RBP7: variants seen among roughly 807,000 people sequenced by gnomAD.
RBP7 encodes the protein retinol binding protein 7, also known as retinoid-binding protein 7.
A neutral mutation model predicts 16.7 loss-of-function variants in RBP7; 13 were observed. The observed-to-expected ratio is 0.78, with a 90% CI of 0.51 to 1.24. RBP7 has a LOEUF of 1.24. RBP7 is among the 50% of genes most tolerant of loss of function. The probability of loss-of-function intolerance (pLI) is 0.00; values close to 1 mark genes in which losing one functional copy is unlikely to be tolerated. For missense variants in RBP7, 145 were observed against 159.5 expected, an observed-to-expected ratio of 0.91 and a Z score of 0.49; for synonymous variants, 54 against 56.2, an observed-to-expected ratio of 0.96 and a Z score of 0.17.
chr1:10,008,802 CATCTT>C (rs758066201), intron 3 of RBP7, among the ~76,000 whole-genome samples: 10 of 152,030 alleles, frequency 6.6e-5, no homozygotes, highest in Non-Finnish European at 1.2e-4. Flanking sequence ...TACTCACTCT[CATCTT>C]ATATTAAATG....
Position 10,008,286 on chromosome 1 carries a change from AT to A in RBP7, c.354+16del. The A allele has an allele frequency of 6.4e-7, 1 of 1,551,614 alleles. No homozygotes were observed. The highest frequency in any genetic ancestry group is 8.9e-7 in the Non-Finnish European group (1 of 1,123,782). ...ACAAACTCCACCTGGTATCCACCAC[AT>A]TTTGTTCTTAATGAGATGATACAGT... is the stretch of plus-strand genomic sequence containing the variant. On this transcript the variant is annotated intron_variant, in intron 3 of 3. Coordinates refer to ENST00000294435, the MANE Select transcript of RBP7 (RefSeq NM_052960.3).
intron 1 of RBP7, among the ~76,000 whole-genome samples, chr1:10,003,361 G>T (rs1342012645): frequency 3.3e-5 from 5 of 152,178 alleles, no homozygotes; most frequent in African/African-American, 1.2e-4. Context: ...GGAGGCAGAG[G>T]TTGCAGTGAG....
At chr1:10,001,592 C>T (rs189973552) in intron 1 of RBP7, among the ~76,000 whole-genome samples, 24 of 152,106 alleles carry the variant, frequency 1.6e-4, no homozygotes, top group Admixed American at 7.2e-4. Flanking sequence ...TGGAGCTAAC[C>T]TGGGATTTGG....
intron 1 of RBP7, chr1:10,007,134 T>C (rs1382780558): frequency 1.5e-5 from 5 of 323,808 alleles, no homozygotes; most frequent in Non-Finnish European, 2.4e-5. Context: ...TTAGTAGAGA[T>C]GGGGTTTCTA....
At chr1:10,000,980 C>T (rs113829298) in intron 1 of RBP7, among the ~76,000 whole-genome samples, 4,043 of 152,246 alleles carry the variant, frequency 0.027, 65 homozygotes, top group African/African-American at 0.036. Context: ...GTGATCCACC[C>T]GCCTTGGCCT....
chr1:10,006,089 T>C (rs1005600224), intron 1 of RBP7, among the ~76,000 whole-genome samples: 1 of 152,180 alleles, frequency 6.6e-6, no homozygotes, highest in Non-Finnish European at 1.5e-5. Flanking sequence ...TTATTTAAAA[T>C]AGTGGTGTTT....
chr1:10,004,529 C>A (rs1642374999), intron 1 of RBP7, among the ~76,000 whole-genome samples: 1 of 151,852 alleles, frequency 6.6e-6, no homozygotes, highest in African/African-American at 2.4e-5. Flanking sequence ...GCATGCGCCA[C>A]CATGCCCGGC....
chr1:10,004,642 G>T (rs1399988644), intron 1 of RBP7, among the ~76,000 whole-genome samples: 1 of 152,232 alleles, frequency 6.6e-6, no homozygotes, highest in Non-Finnish European at 1.5e-5. Context: ...TTACAGGCAT[G>T]AGCAACCGTG....
intron 3 of RBP7, among the ~76,000 whole-genome samples, chr1:10,013,254 G>A (rs190291926): frequency 2.8e-4 from 42 of 151,822 alleles, no homozygotes; most frequent in African/African-American, 1.0e-3. Context: ...TATATTTTTA[G>A]TACAGACAGG....
intron 1 of RBP7, among the ~76,000 whole-genome samples, chr1:10,006,247 C>A (rs1359254471): frequency 6.6e-6 from 1 of 152,100 alleles, no homozygotes; most frequent in African/African-American, 2.4e-5. Context: ...TGGCTCATGT[C>A]TGTAATCCCA....
At chr1:10,001,418 A>C (rs1295307022) in intron 1 of RBP7, among the ~76,000 whole-genome samples, 3 of 151,938 alleles carry the variant, frequency 2.0e-5, no homozygotes, top group African/African-American at 7.3e-5. Flanking sequence ...CGATCCTCCC[A>C]CCTCAGCCTT....
chr1:10,001,142 C>T (rs960735496), intron 1 of RBP7, among the ~76,000 whole-genome samples: 1 of 152,136 alleles, frequency 6.6e-6, no homozygotes, highest in African/African-American at 2.4e-5. Context: ...TGATGTGCTC[C>T]AGCTGGCATC....
At chr1:10,014,094 A>G (rs1414147088) in intron 3 of RBP7, among the ~76,000 whole-genome samples, 1 of 152,176 alleles carries the variant, frequency 6.6e-6, no homozygotes, top group Non-Finnish European at 1.5e-5. Context: ...TGGTCACCAG[A>G]AAATCGAAGG....
chr1:10,009,226 A>G (rs1266606569), intron 3 of RBP7, among the ~76,000 whole-genome samples: 1 of 152,078 alleles, frequency 6.6e-6, no homozygotes, highest in Non-Finnish European at 1.5e-5. Context: ...CCTGGCCAAC[A>G]TGGTGAAACC....
intron 1 of RBP7, among the ~76,000 whole-genome samples, chr1:9,998,067 C>G (rs564418577): frequency 6.6e-6 from 1 of 152,232 alleles, no homozygotes; most frequent in Non-Finnish European, 1.5e-5. Context: ...CAACTCACTG[C>G]AACCTCCGCC....
In RBP7 at chr1:10,001,914, C is replaced by T. The variant is rs192629977; in HGVS notation, c.73+4583C>T. On this transcript the variant is annotated intron_variant, in intron 1 of 3. Coordinates refer to ENST00000294435, the MANE Select transcript of RBP7 (RefSeq NM_052960.3). The stretch of plus-strand genomic sequence containing the variant: ...CACGGATCTTGGCTCACTGCAACTC[C>T]GTCTCCCGGGTTCAAGCAATTCTCC... Among the ~76,000 whole-genome samples, 57 of 151,946 alleles carry T rather than the reference C, an allele frequency of 3.8e-4. No individual in the cohort carries two copies. In the East Asian group the frequency reaches 8.9e-3, roughly 24 times the overall value.
At chr1:9,999,467 C>A (rs539047233) in intron 1 of RBP7, among the ~76,000 whole-genome samples, 35 of 152,224 alleles carry the variant, frequency 2.3e-4, no homozygotes, top group Non-Finnish European at 3.7e-4. Flanking sequence ...GCAGGAGAAT[C>A]ACTTGAACCT....
At chr1:10,011,597 C>A (rs1217344118) in intron 3 of RBP7, among the ~76,000 whole-genome samples, 1 of 152,164 alleles carries the variant, frequency 6.6e-6, no homozygotes, top group Non-Finnish European at 1.5e-5. Context: ...GCTCTCAGCT[C>A]TGTGCTTTTT....
intron 3 of RBP7, among the ~76,000 whole-genome samples, chr1:10,012,119 G>C (rs1020882532): frequency 6.6e-6 from 1 of 151,092 alleles, no homozygotes; most frequent in Non-Finnish European, 1.5e-5. Flanking sequence ...GCTGAGGCAG[G>C]AGAATCACTT....
Sources: gnomAD v4.1 joint callset for allele counts (sites outside exome capture counted in the v4.1 genomes callset) on GRCh38, gnomAD v4.1.1 for gene constraint, MANE v1.5 for transcripts, NCBI Gene and HGNC (gene_info 2026-07-23, HGNC 2026-07-21) for gene names.